The following DISC1 variants were observed in gnomAD, a reference collection of about 807,000 sequenced individuals.
DISC1 encodes the protein DISC1 scaffold protein.
A neutral mutation model predicts 84.5 loss-of-function variants in DISC1; 57 were observed. The observed-to-expected ratio is 0.67, with a 90% CI of 0.55 to 0.84. DISC1 has a LOEUF of 0.84. Among genes scored for constraint, DISC1 ranks in the 40% least tolerant of loss-of-function variants. DISC1 has a pLI of 0.00. For missense variants in DISC1, 1,000 were observed against 1,057.8 expected, an observed-to-expected ratio of 0.95 and a Z score of 0.76; for synonymous variants, 411 against 415.2, an observed-to-expected ratio of 0.99 and a Z score of 0.12.
intron 9 of DISC1, among the ~76,000 whole-genome samples, chr1:231,852,496 C>G (rs1028058948): frequency 1.2e-4 from 18 of 152,220 alleles, no homozygotes; most frequent in Admixed American, 9.8e-4. Flanking sequence ...AAACACATTA[C>G]TCTTAACCCA....
chr1:231,661,466 G>A (rs1419997006), intron 1 of DISC1, among the ~76,000 whole-genome samples: 1 of 151,670 alleles, frequency 6.6e-6, no homozygotes, highest in Admixed American at 6.6e-5. Context: ...CTCTATTCTT[G>A]TCTGCCTGTC....
At chr1:231,780,759 C>T (rs551097303) in intron 6 of DISC1, among the ~76,000 whole-genome samples, 1 of 86,858 alleles carries the variant, frequency 1.2e-5, no homozygotes. Flanking sequence ...TGGAACCAAC[C>T]CAGATGTCCA....
intron 11 of DISC1, among the ~76,000 whole-genome samples, chr1:232,011,165 G>A (rs1667989118): frequency 6.6e-6 from 1 of 152,130 alleles, no homozygotes; most frequent in South Asian, 2.1e-4. Context: ...TTCCTGCATA[G>A]CATTATAAGC....
chr1:231,870,104 A>G (rs752183730), intron 9 of DISC1, among the ~76,000 whole-genome samples: 25 of 152,094 alleles, frequency 1.6e-4, no homozygotes, highest in Non-Finnish European at 2.5e-4. Context: ...GATATAAGAA[A>G]GGGAGAGTGA....
chr1:231,932,570 G>C (rs576130224), intron 9 of DISC1, among the ~76,000 whole-genome samples: 2 of 152,258 alleles, frequency 1.3e-5, no homozygotes, highest in South Asian at 2.1e-4. Context: ...CAATTTGCTT[G>C]ACCTCAAAGG....
intron 8 of DISC1, among the ~76,000 whole-genome samples, chr1:231,810,347 T>C (rs1240059936): frequency 6.6e-6 from 1 of 152,218 alleles, no homozygotes; most frequent in Non-Finnish European, 1.5e-5. Flanking sequence ...GTACAGACAG[T>C]GGCTGGGAGC....
Position 231,818,488 on chromosome 1 carries a change from G to A in DISC1, c.1952G>A (p.Arg651Lys), listed in dbSNP as rs758465488. The A allele has an allele frequency of 2.8e-5, 46 of 1,614,054 alleles. No homozygotes were observed. The highest frequency in any genetic ancestry group is 3.9e-5 in the Non-Finnish European group (46 of 1,180,010). ...SVKEDYNRLRREVEHQETAYE... is the reference protein window; with the variant it reads ...SVKEDYNRLRKEVEHQETAYE... ...AAAGAAGATTACAACAGACTGAGAAGAGAAGTGGAGCACCAGGAGACTGCC... is the reference window on the plus strand; with the variant it reads ...AAAGAAGATTACAACAGACTGAGAAAAGAAGTGGAGCACCAGGAGACTGCC... Residue 651 changes from arginine (R) to lysine (K), a missense_variant, in exon 9 of 13, where the codon AGA becomes AAA. Physicochemically the swap from Arg to Lys is conservative, Grantham distance 26. Around this residue, in one of 3 missense-constraint regions of DISC1, gnomAD observed 397 missense variants for 377.5 expected, o/e 1.05. Transcript: ENST00000439617.
At chr1:231,953,384 T>C (rs1057477453) in intron 9 of DISC1, among the ~76,000 whole-genome samples, 12 of 152,234 alleles carry the variant, frequency 7.9e-5, no homozygotes, top group Non-Finnish European at 1.8e-4. Context: ...CACAATCTTA[T>C]GCCATCCTAC....
At chr1:231,656,216 A>G (rs2061050230) in intron 1 of DISC1, among the ~76,000 whole-genome samples, 1 of 152,120 alleles carries the variant, frequency 6.6e-6, no homozygotes, top group East Asian at 1.9e-4. Flanking sequence ...TTATGGTTTC[A>G]AGTCTTAGAT....
intron 8 of DISC1, among the ~76,000 whole-genome samples, chr1:231,810,362 A>C (rs984071873): frequency 6.6e-6 from 1 of 152,206 alleles, no homozygotes; most frequent in Non-Finnish European, 1.5e-5. Context: ...GGGAGCATCA[A>C]CTCAATCGCT....
At chr1:231,984,499 G>A (rs1469146182) in intron 10 of DISC1, among the ~76,000 whole-genome samples, 5 of 152,232 alleles carry the variant, frequency 3.3e-5, no homozygotes, top group South Asian at 2.1e-4. Context: ...GTGGATGGGG[G>A]GCGTGGGTGG....
intron 1 of DISC1, among the ~76,000 whole-genome samples, chr1:231,689,420 C>T (rs1205753445): frequency 6.6e-6 from 1 of 152,030 alleles, no homozygotes; most frequent in Admixed American, 6.6e-5. Context: ...CAACCTCCGT[C>T]TCCCAGGTTC....
chr1:231,724,241 C>T (rs1360053021), intron 3 of DISC1, among the ~76,000 whole-genome samples: 4 of 152,182 alleles, frequency 2.6e-5, no homozygotes, highest in South Asian at 2.1e-4. Flanking sequence ...TGCCTGCCTG[C>T]GTGGGTCCTT....
At position 231,897,488 on chromosome 1, in the gene DISC1, A is replaced by G. The variant is rs548832662; in HGVS notation, c.1982-61340A>G. Among the ~76,000 whole-genome samples, 1 of 152,144 alleles carries G rather than the reference A, an allele frequency of 6.6e-6. No individual in the cohort carries two copies. The highest frequency in any genetic ancestry group is 2.1e-4 in the South Asian group (1 of 4,820). ...CAAGGCCAAAATATTTCTTTCACAC[A>G]TACAGCGCAGACTAAATCGTCTTTT... On this transcript the variant is annotated intron_variant, in intron 9 of 12. Transcript: ENST00000439617. The surrounding 1 kb of genome is among the most constrained non-coding windows in gnomAD (Gnocchi z 4.5).
chr1:231,948,241 G>A (rs996242298), intron 9 of DISC1, among the ~76,000 whole-genome samples: 1 of 152,172 alleles, frequency 6.6e-6, no homozygotes, highest in Non-Finnish European at 1.5e-5. Context: ...TAAAGAAAAT[G>A]TGGCACATAT....
In DISC1 at chr1:232,009,721, C is replaced by T. The variant is rs932712002; in HGVS notation, c.2307+672C>T. ...CCACTCCTCACTTTCCTCCTCCCAC[C>T]CTAACAAGAGTCTTTTCCATAAAAA... On this transcript the variant is annotated intron_variant, in intron 11 of 12. Transcript: ENST00000439617. The surrounding 1 kb of genome is among the most constrained non-coding windows in gnomAD (Gnocchi z 4.6). 9 of 573,788 alleles carry T rather than the reference C, an allele frequency of 1.6e-5. No individual in the cohort carries two copies. Among genetic ancestry groups the T allele is most frequent in the African/African-American group, 1.0e-4 (5 of 49,114 alleles). 35.5% of individuals were successfully genotyped at this position (573,788 alleles called of 1,614,324 possible). A position where few individuals can be genotyped will look rare whatever the true frequency, so the allele number is the denominator to read the frequency against.
chr1:232,004,075 G>A (rs981486636), intron 10 of DISC1, among the ~76,000 whole-genome samples: 2 of 151,034 alleles, frequency 1.3e-5, no homozygotes, highest in East Asian at 1.9e-4. Flanking sequence ...ATATTACTCA[G>A]ACAAAAATTA....
intron 9 of DISC1, among the ~76,000 whole-genome samples, chr1:231,877,705 C>T (rs2085993964): frequency 6.6e-6 from 1 of 152,216 alleles, no homozygotes; most frequent in Non-Finnish European, 1.5e-5. Context: ...TGCCCACTAT[C>T]AGCCTATTGG....
At chr1:231,855,359 G>T in intron 9 of DISC1, 1 of 983,002 alleles carries the variant, frequency 1.0e-6, no homozygotes, top group South Asian at 4.7e-5. Context: ...ACATTAAAAA[G>T]ACAAAAATAA....
Sources: gnomAD v4.1 joint callset for allele counts (sites outside exome capture counted in the v4.1 genomes callset) on GRCh38, gnomAD v4.1.1 for gene constraint, gnomAD v4.1.1 regional missense constraint, Gnocchi (gnomAD v3.1) non-coding constraint, MANE v1.5 for transcripts, NCBI Gene and HGNC (gene_info 2026-07-23, HGNC 2026-07-21) for gene names.